Variants in ZNF256 observed in about 807,000 individuals in gnomAD.
ZNF256 encodes bone marrow zinc finger 3.
ZNF256 carries 4 observed loss-of-function variants against 7.9 expected under a neutral mutation model. The ratio of observed to expected loss-of-function variants is 0.50; its 90% CI spans 0.25 to 1.15. The LOEUF is 1.15. Ranked by LOEUF, ZNF256 falls within the 50% of genes most tolerant of loss-of-function variation. ZNF256 has a pLI of 0.15. For synonymous variants in ZNF256, 260 were observed against 260.4 expected (o/e 1.00, Z 0.02); for missense variants, 666 against 755.9 (o/e 0.88, Z 1.39).
intron 1 of ZNF256, among the ~76,000 whole-genome samples, chr19:57,946,049 T>C (rs2072764291): frequency 6.6e-6 from 1 of 152,178 alleles, no homozygotes; most frequent in African/African-American, 2.4e-5. Context: ...CCATCTCATG[T>C]CCATTCTTCT....
intron 2 of ZNF256, among the ~76,000 whole-genome samples, chr19:57,943,218 TG>T (rs1317554047): frequency 6.6e-6 from 1 of 152,236 alleles, no homozygotes; most frequent in African/African-American, 2.4e-5. Flanking sequence ...TAATGAGGTT[TG>T]GCCCCAAATG....
chr19:57,940,951 T>A lies in ZNF256; in HGVS notation c.1857A>T (p.Leu619=). The A allele has an allele frequency of 6.2e-7, 1 of 1,614,120 alleles. No homozygotes were observed. The highest frequency in any genetic ancestry group is 8.5e-7 in the Non-Finnish European group (1 of 1,179,962). ...GKFFTFNSNL[L]KHQNVHKG ...ATCCCTTGTGAACGTTCTGATGTTT[T>A]AGGAGGTTGGAGTTGAAGGTAAAAA... The change falls in exon 3 of 3, where the codon CTA becomes CTT. Residue 619 remains leucine, a synonymous_variant. Transcript: ENST00000282308.
Position 57,942,610 on chromosome 19 carries a change from C to T in ZNF256, c.198G>A (p.Gln66=). ...SGAGDEEAPY[Q]QSTSPQRVSQ... is the part of the protein sequence containing the mutation. The stretch of plus-strand genomic sequence containing the variant: ...ACACCCGCTGTGGAGAAGTGCTCTG[C>T]TGATAAGGTGCCTCCTCATCCCCTG... Residue 66 remains glutamine (Q), a synonymous_variant, in exon 3 of 3, where the codon CAG becomes CAA. Transcript: ENST00000282308. 1.2e-6 allele frequency: 2 copies of T among 1,614,090 alleles called. No individual in the cohort carries two copies. The highest frequency in any genetic ancestry group is 1.7e-6 in the Non-Finnish European group (2 of 1,179,986).
At chr19:57,945,610 A>C (rs748034916) in intron 1 of ZNF256, among the ~76,000 whole-genome samples, 20 of 152,176 alleles carry the variant, frequency 1.3e-4, no homozygotes, top group Non-Finnish European at 2.8e-4. Flanking sequence ...TTATACCGCA[A>C]CTTGGCAGGC....
Position 57,947,576 on chromosome 19 carries a change from G to A in ZNF256, c.-102C>T. 8.9e-7 allele frequency: 1 copy of A among 1,128,264 alleles called. No individual in the cohort carries two copies. Among genetic ancestry groups the A allele is most frequent in the African/African-American group, 1.6e-5 (1 of 62,246 alleles). 69.9% of individuals were successfully genotyped at this position (1,128,264 alleles called of 1,614,324 possible). Reference sequence around the variant, plus strand: ...AGCCTCAGCCACGCCTCTGTGCAGCGGGGAAGACTCCTCTCGCGCCTTCTC... The same window carrying A: ...AGCCTCAGCCACGCCTCTGTGCAGCAGGGAAGACTCCTCTCGCGCCTTCTC... On this transcript the variant is annotated 5_prime_UTR_variant, in exon 1 of 3. Coordinates refer to ENST00000282308, the MANE Select transcript of ZNF256 (RefSeq NM_005773.3).
chr19:57,947,339 C>A (rs2072774055), intron 1 of ZNF256, 103 bp downstream of exon 1: 2 of 1,134,088 alleles, frequency 1.8e-6, no homozygotes, highest in African/African-American at 1.6e-5. Flanking sequence ...TCCGGCGAGC[C>A]CCCGTGTCCT....
Position 57,940,996 on chromosome 19 carries a change from C to T in ZNF256, c.1812G>A (p.Glu604=). ...QRIHSGERPY[E]CSDCGKFFTF... ...TAAAAAATTTTCCACAGTCACTACA[C>T]TCATAAGGCCTTTCCCCACTGTGAA... The change falls in exon 3 of 3, where the codon GAG becomes GAA. Residue 604 remains glutamate, a synonymous_variant. Coordinates refer to ENST00000282308, the MANE Select transcript of ZNF256 (RefSeq NM_005773.3). The T allele has an allele frequency of 6.2e-7, 1 of 1,614,212 alleles. No homozygotes were observed.
chr19:57,942,132 G>T lies in ZNF256; in HGVS notation c.676C>A (p.Arg226Ser), dbSNP rs765588580. The T allele has an allele frequency of 1.2e-6, 2 of 1,614,190 alleles. No homozygotes were observed. The highest frequency in any genetic ancestry group is 8.5e-7 in the Non-Finnish European group (1 of 1,180,038). Residue 226 changes from arginine (R) to serine (S), a missense_variant, in exon 3 of 3, where the codon CGT (arginine) becomes AGT (serine). Transcript: ENST00000282308. ...ATGAGGTCTCCCTGGTGCTGAACAC[G>T]TACATGTTTGTAGCTGAAAGCTTTC... ...CVKAFSYKHV[R>S]VQHQGDLIRE...
chr19:57,947,383 C>A, intron 1 of ZNF256, 59 bp downstream of exon 1: 1 of 1,242,916 alleles, frequency 8.0e-7, no homozygotes, highest in Non-Finnish European at 1.0e-6. Context: ...CAAGCGCCCT[C>A]GGGGGTGCTA....
At chr19:57,945,693 C>T (rs886558128) in intron 1 of ZNF256, among the ~76,000 whole-genome samples, 1 of 152,178 alleles carries the variant, frequency 6.6e-6, no homozygotes, top group African/African-American at 2.4e-5. Flanking sequence ...TGGAAGCAGC[C>T]TCAAAAATTT....
chr19:57,947,348 C>G, intron 1 of ZNF256, 94 bp downstream of exon 1: 1 of 1,182,028 alleles, frequency 8.5e-7, no homozygotes, highest in Non-Finnish European at 1.1e-6. Flanking sequence ...CCCCCGTGTC[C>G]TGTCCTGGGC....
Position 57,942,647 on chromosome 19 carries a change from C to A in ZNF256, c.161G>T (p.Gly54Val). 1 of 1,609,934 alleles carries A rather than the reference C, an allele frequency of 6.2e-7. No individual in the cohort carries two copies. The highest frequency in any genetic ancestry group is 8.5e-7 in the Non-Finnish European group (1 of 1,177,292). ...CTCCTCATCCCCTGCTCCAGAACCACCTGAAAGAAAGAAAATGCTGGTGAA... is the reference window on the plus strand; with the variant it reads ...CTCCTCATCCCCTGCTCCAGAACCAACTGAAAGAAAGAAAATGCTGGTGAA... ...LENLTLTTSL[G>V]GSGAGDEEAP... The change falls in exon 3 of 3, where the codon GGT (glycine) becomes GTT (valine). Residue 54 changes from glycine to valine, a missense_variant and splice_region_variant. Physicochemically the swap from Gly to Val is moderately radical, Grantham distance 109 (BLOSUM62 -3). Coordinates refer to ENST00000282308, the MANE Select transcript of ZNF256 (RefSeq NM_005773.3).
At chr19:57,945,934 C>G (rs2072763508) in intron 1 of ZNF256, among the ~76,000 whole-genome samples, 1 of 152,200 alleles carries the variant, frequency 6.6e-6, no homozygotes, top group Admixed American at 6.5e-5. Context: ...AATCTTCCAG[C>G]CTGAATGAAA....
At chr19:57,946,406 T>C (rs542562658) in intron 1 of ZNF256, among the ~76,000 whole-genome samples, 35 of 152,290 alleles carry the variant, frequency 2.3e-4, no homozygotes, top group African/African-American at 8.2e-4. Context: ...AATTTGTTCA[T>C]CTTAGTTGAT....
Position 57,940,907 on chromosome 19 carries a change from T to G in ZNF256, c.*17A>C. The G allele has an allele frequency of 4.4e-6, 7 of 1,602,216 alleles. No individual in the cohort carries two copies. Among genetic ancestry groups the G allele is most frequent in the Non-Finnish European group, 5.1e-6 (6 of 1,171,594 alleles). On this transcript the variant is annotated 3_prime_UTR_variant, in exon 3 of 3. Transcript: ENST00000282308. ...CACTTCTCAGTCCGTAACAGCCCTA[T>G]GTGTGTTACCTAACCTTTATCCCTT...
At chr19:57,944,818 G>A (rs991517648) in intron 1 of ZNF256, among the ~76,000 whole-genome samples, 8 of 152,026 alleles carry the variant, frequency 5.3e-5, no homozygotes, top group Non-Finnish European at 1.2e-4. Context: ...GTGACACAGC[G>A]AGACTGCGTC....
At chr19:57,943,658 G>A (rs1475975588) in intron 2 of ZNF256, among the ~76,000 whole-genome samples, 1 of 152,156 alleles carries the variant, frequency 6.6e-6, no homozygotes, top group Non-Finnish European at 1.5e-5. Flanking sequence ...CTCGAATCTG[G>A]ACAATGTCAC....
chr19:57,941,351 G>T lies in ZNF256; in HGVS notation c.1457C>A (p.Thr486Asn), dbSNP rs757220381. 3 of 1,614,044 alleles carry T rather than the reference G, an allele frequency of 1.9e-6. No individual in the cohort carries two copies. The highest frequency in any genetic ancestry group is 2.5e-6 in the Non-Finnish European group (3 of 1,180,028). Residue 486 changes from threonine to asparagine, a missense_variant, in exon 3 of 3, where the codon ACT (threonine) becomes AAT (asparagine). Transcript: ENST00000282308. ...CCCACATTCATAAGGCCTTGCTCCA[G>T]TATGAACTTTCCAGTGTGAGATGAG... ...SYLISHWKVH[T>N]GARPYECGEC...
At position 57,947,467 on chromosome 19, in the gene ZNF256, G is replaced by A; in HGVS notation, c.8C>T (p.Ala3Val). 5 of 1,249,066 alleles carry A rather than the reference G, an allele frequency of 4.0e-6. No individual in the cohort carries two copies. Among genetic ancestry groups the A allele is most frequent in the Non-Finnish European group, 5.1e-6 (5 of 988,476 alleles). 77.4% of individuals were successfully genotyped at this position (1,249,066 alleles called of 1,614,324 possible). ...CTGGGCCGGGGCCGTCAGCTCGGCC[G>A]CCGCCATCTGACTCTGTGAGCGGAG... MA[A>V]AELTAPAQGI... The change falls in exon 1 of 3, where the codon GCG becomes GTG. Residue 3 changes from alanine (A) to valine (V), a missense_variant. Transcript: ENST00000282308.
Sources: allele counts gnomAD v4.1 joint callset (sites outside exome capture counted in the v4.1 genomes callset), GRCh38; gene constraint gnomAD v4.1.1; transcripts MANE v1.5; gene names NCBI Gene and HGNC (gene_info 2026-07-23, HGNC 2026-07-21).